ITGB3BP: variants seen among roughly 807,000 people sequenced by gnomAD.
ITGB3BP encodes the protein integrin subunit beta 3 binding protein.
ITGB3BP carries 27 observed loss-of-function variants against 29.1 expected under a neutral mutation model. That is an observed-to-expected ratio of 0.93 (90% CI 0.68 to 1.28). The LOEUF is 1.28. Among genes scored for constraint, ITGB3BP ranks in the 50% most tolerant of loss-of-function variants. The pLI is 0.00. For missense variants in ITGB3BP, 192 were observed against 200.2 expected, an observed-to-expected ratio of 0.96 and a Z score of 0.25; for synonymous variants, 61 against 61.4, an observed-to-expected ratio of 0.99 and a Z score of 0.03.
chr1:63,465,920 T>C (rs557180735), intron 4 of ITGB3BP, among the ~76,000 whole-genome samples: 1 of 152,272 alleles, frequency 6.6e-6, no homozygotes, highest in African/African-American at 2.4e-5. Flanking sequence ...AACCATCAAC[T>C]TGTATTGACA....
chr1:63,444,559 A>G (rs1309596286), intron 8 of ITGB3BP, among the ~76,000 whole-genome samples: 2 of 146,282 alleles, frequency 1.4e-5, no homozygotes, highest in Non-Finnish European at 3.0e-5. Context: ...TAGGACATAT[A>G]TAATCTATTA....
rs189944071 is a variant in ITGB3BP at position 63,501,641 on chromosome 1, T to C, written c.48+6887A>G. Among the ~76,000 whole-genome samples the C allele has an allele frequency of 3.0e-3, 452 of 152,116 alleles. 2 individuals carry two copies. Among genetic ancestry groups the C allele is most frequent in the African/African-American group, 0.01 (426 of 41,498 alleles). ...ACTCTAGGAGGCCGAGATGGGCAGATTGCTTGAGCTCGGGAGTTTGAGACC... is the reference window on the plus strand; with the variant it reads ...ACTCTAGGAGGCCGAGATGGGCAGACTGCTTGAGCTCGGGAGTTTGAGACC... On this transcript the variant is annotated intron_variant, in intron 2 of 8. Transcript: ENST00000271002.
intron 8 of ITGB3BP, among the ~76,000 whole-genome samples, chr1:63,444,746 T>C (rs550760280): frequency 6.6e-6 from 1 of 151,264 alleles, no homozygotes; most frequent in Non-Finnish European, 1.5e-5. Context: ...CCTTGGCCAG[T>C]AGTGAAACCT....
At chr1:63,509,915 A>G (rs1646160889) in intron 1 of ITGB3BP, 1 of 379,288 alleles carries the variant, frequency 2.6e-6, no homozygotes, top group Non-Finnish European at 4.7e-6. Flanking sequence ...AAATTACACC[A>G]GGCGTGGTGG....
rs1046648822 is a variant in ITGB3BP, at chr1:63,472,489, G to A, written c.254+6275C>T. 1.7e-4 allele frequency among the ~76,000 whole-genome samples: 17 copies of A among 97,772 alleles called. No homozygotes were observed. The Admixed American group carries it at 1.8e-3, about 10-fold the overall frequency. 64.1% of individuals were successfully genotyped at this position (97,772 alleles called of 152,430 possible). The stretch of plus-strand genomic sequence containing the variant: ...CCCCTCTCCCCTCTCTCCTCTCCAC[G>A]GTCTCCTTCCATGGTCTCCCTCTGA... On this transcript the variant is annotated intron_variant, in intron 4 of 8. Transcript: ENST00000271002.
At chr1:63,456,938 T>C (rs1284452470) in intron 4 of ITGB3BP, among the ~76,000 whole-genome samples, 2 of 152,188 alleles carry the variant, frequency 1.3e-5, no homozygotes, top group Non-Finnish European at 2.9e-5. Context: ...CTTGGAGACT[T>C]GTATGGATTA....
chr1:63,468,862 A>AAAATAAAT (rs71045901), intron 4 of ITGB3BP, among the ~76,000 whole-genome samples: 19,996 of 139,058 alleles, frequency 0.14, 1,580 homozygotes, highest in Middle Eastern at 0.17. Flanking sequence ...ACTCTGTCTC[A>AAAATAAAT]AAATAAATAA....
intron 4 of ITGB3BP, among the ~76,000 whole-genome samples, chr1:63,466,344 A>T (rs894336336): frequency 1.3e-5 from 2 of 152,234 alleles, no homozygotes; most frequent in Admixed American, 6.5e-5. Flanking sequence ...GGAACACTGG[A>T]TGAAACTACA....
chr1:63,481,789 T>A (rs2100639327), intron 3 of ITGB3BP, among the ~76,000 whole-genome samples: 1 of 152,346 alleles, frequency 6.6e-6, no homozygotes, highest in Admixed American at 6.5e-5. Context: ...GCTTTAAATA[T>A]GTTACATATG....
At chr1:63,514,778 T>C (rs983813067) in intron 1 of ITGB3BP, among the ~76,000 whole-genome samples, 2 of 151,744 alleles carry the variant, frequency 1.3e-5, no homozygotes, top group Admixed American at 1.3e-4. Context: ...AAAGCCCATC[T>C]CTCCTAAAAA....
At chr1:63,505,943 C>G (rs1406370831) in intron 2 of ITGB3BP, among the ~76,000 whole-genome samples, 1 of 152,062 alleles carries the variant, frequency 6.6e-6, no homozygotes, top group Non-Finnish European at 1.5e-5. Context: ...ACTATGTGGT[C>G]AATTTTGGAA....
intron 4 of ITGB3BP, among the ~76,000 whole-genome samples, chr1:63,469,457 G>T (rs1174129517): frequency 6.6e-6 from 1 of 152,006 alleles, no homozygotes; most frequent in Non-Finnish European, 1.5e-5. Context: ...CTCCCGAGTA[G>T]CTGGGATTAC....
intron 4 of ITGB3BP, among the ~76,000 whole-genome samples, chr1:63,466,269 T>A (rs918466983): frequency 7.2e-5 from 11 of 152,228 alleles, no homozygotes; most frequent in Non-Finnish European, 1.3e-4. Flanking sequence ...TGGCAATACG[T>A]TTATTCAGTT....
intron 8 of ITGB3BP, among the ~76,000 whole-genome samples, chr1:63,444,196 C>A (rs138763552): frequency 6.6e-6 from 1 of 152,056 alleles, no homozygotes. Context: ...ATGTGGTTAT[C>A]TTTACTAAAA....
intron 2 of ITGB3BP, among the ~76,000 whole-genome samples, chr1:63,498,254 C>T (rs1645839299): frequency 6.6e-6 from 1 of 152,144 alleles, no homozygotes; most frequent in African/African-American, 2.4e-5. Flanking sequence ...GCAGAATACA[C>T]ATTCTTCTCA....
chr1:63,477,610 C>T (rs1361851352), intron 4 of ITGB3BP, among the ~76,000 whole-genome samples: 1 of 151,720 alleles, frequency 6.6e-6, no homozygotes, highest in Non-Finnish European at 1.5e-5. Flanking sequence ...GTCTCAGCTA[C>T]ACAGGAGGCT....
intron 3 of ITGB3BP, among the ~76,000 whole-genome samples, chr1:63,482,086 A>C (rs1645446990): frequency 6.6e-6 from 1 of 151,948 alleles, no homozygotes; most frequent in Non-Finnish European, 1.5e-5. Flanking sequence ...CAGCCTGGTC[A>C]ACACCGTGAA....
chr1:63,473,322 C>A (rs1645245706), intron 4 of ITGB3BP, among the ~76,000 whole-genome samples: 1 of 151,760 alleles, frequency 6.6e-6, no homozygotes, highest in African/African-American at 2.4e-5. Context: ...CGCCCGGCAG[C>A]CACCCCGTCC....
chr1:63,484,783 C>G (rs529420258), intron 3 of ITGB3BP, among the ~76,000 whole-genome samples: 1 of 152,126 alleles, frequency 6.6e-6, no homozygotes, highest in East Asian at 1.9e-4. Flanking sequence ...CCTTTTTAAC[C>G]GCTTCATCAG....
Sources: allele counts gnomAD v4.1 joint callset (sites outside exome capture counted in the v4.1 genomes callset), GRCh38; gene constraint gnomAD v4.1.1; transcripts MANE v1.5; gene names NCBI Gene and HGNC (gene_info 2026-07-23, HGNC 2026-07-21).